Variants in NOP2 observed in about 807,000 individuals in gnomAD.
NOP2 encodes the protein 28S rRNA (cytosine(4447)-C(5))-methyltransferase.
A neutral mutation model predicts 72.7 loss-of-function variants in NOP2; 7 were observed. That is an observed-to-expected ratio of 0.10 (90% CI 0.05 to 0.18). The LOEUF (loss-of-function observed/expected upper bound fraction) is 0.18. Among genes scored for constraint, NOP2 ranks in the 10% least tolerant of loss-of-function variants. NOP2 has a pLI of 1.00. For synonymous variants in NOP2, 387 were observed against 388.0 expected, an observed-to-expected ratio of 1.00 and a Z score of 0.03; for missense variants, 954 against 1,014.7, an observed-to-expected ratio of 0.94 and a Z score of 0.81.
At chr12:6,563,857 C>T in intron 6 of NOP2, 34 bp downstream of exon 6, 1 of 1,613,686 alleles carries the variant, frequency 6.2e-7, no homozygotes, top group Non-Finnish European at 8.5e-7. Flanking sequence ...CCAGTGGCTT[C>T]CTATGCTCCA....
chr12:6,559,987 G>T, intron 15 of NOP2, 111 bp downstream of exon 15: 2 of 783,428 alleles, frequency 2.6e-6, no homozygotes, highest in Non-Finnish European at 2.1e-6. Context: ...GCAAAGGCTG[G>T]AGTAAGGGAT....
chr12:6,567,116 ATTG>A, intron 2 of NOP2, among the ~76,000 whole-genome samples: 2 of 151,956 alleles, frequency 1.3e-5, no homozygotes, highest in East Asian at 3.9e-4. Context: ...CACCCAGCTA[ATTG>A]TTGTATTTTT....
chr12:6,561,029 C>T lies in NOP2; in HGVS notation c.1249G>A (p.Ala417Thr), dbSNP rs756424704. 10 of 1,613,852 alleles carry T rather than the reference C, an allele frequency of 6.2e-6. No individual in the cohort carries two copies. The East Asian group carries it at 1.1e-4, about 18-fold the overall frequency. ...KNTGVILAND[A>T]NAERLKSVVG... ...ACACTCTTGAGCCGCTCAGCATTGG[C>T]GTCATTGGCAAGGATCACACCCGTG... Residue 417 changes from alanine to threonine, a missense_variant, in exon 12 of 16, where the codon GCC (alanine) becomes ACC (threonine). By Grantham distance (58) the Ala-to-Thr change is moderately conservative. Transcript: ENST00000322166.
intron 5 of NOP2, among the ~76,000 whole-genome samples, chr12:6,564,586 C>G (rs1190058243): frequency 6.6e-6 from 1 of 151,992 alleles, no homozygotes; most frequent in Non-Finnish European, 1.5e-5. Context: ...CACCACCATG[C>G]CCAGCTAATT....
chr12:6,558,380 C>T (rs529248605), intron 15 of NOP2, among the ~76,000 whole-genome samples: 7 of 151,176 alleles, frequency 4.6e-5, no homozygotes, highest in African/African-American at 1.7e-4. Flanking sequence ...TCAAGCAATT[C>T]TCCTGCCTCA....
chr12:6,562,054 T>C, intron 9 of NOP2, 83 bp from the exon 10 acceptor site: 1 of 1,049,806 alleles, frequency 9.5e-7, no homozygotes, highest in Non-Finnish European at 1.4e-6. Flanking sequence ...GGTGGCGCAA[T>C]CTCGGCTCAC....
chr12:6,560,045 T>G lies in NOP2; in HGVS notation c.1789+53A>C, dbSNP rs1450379482. 1 of 1,351,938 alleles carries G rather than the reference T, an allele frequency of 7.4e-7. No homozygotes were observed. The highest frequency in any genetic ancestry group is 1.1e-6 in the Non-Finnish European group (1 of 945,452). 83.7% of individuals were successfully genotyped at this position (1,351,938 alleles called of 1,614,324 possible). On this transcript the variant is annotated intron_variant, in intron 15 of 15. Transcript: ENST00000322166. This position sits in a 1 kb window ranked among gnomAD's most constrained non-coding sequence, Gnocchi z 5.0. ...CCTCTTGTCACACCATAAAGCCTCCTGAAAGGTGGAAAGAGCAAAGGTGGT... is the reference window on the plus strand; with the variant it reads ...CCTCTTGTCACACCATAAAGCCTCCGGAAAGGTGGAAAGAGCAAAGGTGGT...
rs1947623778 is a variant in NOP2, at chr12:6,560,725, G to A, written c.1410C>T (p.Ser470=). The A allele has an allele frequency of 1.2e-6, 2 of 1,613,476 alleles. No individual in the cohort carries two copies. Among genetic ancestry groups the A allele is most frequent in the Non-Finnish European group, 1.7e-6 (2 of 1,179,760 alleles). Residue 470 remains serine, a synonymous_variant, in exon 13 of 16, where the codon TCC becomes TCT. Coordinates refer to ENST00000322166, the MANE Select transcript of NOP2 (RefSeq NM_001258308.2). The surrounding 1 kb of genome is among the most constrained non-coding windows in gnomAD (Gnocchi z 5.0). ...DAPCSGTGVI[S]KDPAVKTNKD... ...TGTTAGTCTTCACGGCTGGATCCTTGGAGATGACCCCAGTGCCACTGCAGG... is the reference window on the plus strand; with the variant it reads ...TGTTAGTCTTCACGGCTGGATCCTTAGAGATGACCCCAGTGCCACTGCAGG...
intron 8 of NOP2, 43 bp downstream of exon 8, chr12:6,563,272 G>A: frequency 6.4e-7 from 1 of 1,556,176 alleles, no homozygotes; most frequent in Non-Finnish European, 8.7e-7. Flanking sequence ...GCGTAAGGAG[G>A]CGAGAAAAGA....
intron 15 of NOP2, among the ~76,000 whole-genome samples, chr12:6,558,444 T>G (rs553435859): frequency 1.3e-5 from 2 of 151,618 alleles, no homozygotes; most frequent in South Asian, 4.2e-4. Context: ...TTTTGTATTT[T>G]TAGTAGAGAT....
intron 8 of NOP2, 66 bp from the exon 9 acceptor site, chr12:6,563,236 AG>A: frequency 6.5e-7 from 1 of 1,548,558 alleles, no homozygotes; most frequent in Non-Finnish European, 8.7e-7. Context: ...GAGGGGAGCA[AG>A]GGGGCCGAAC....
chr12:6,561,518 C>T (rs1947649043), intron 11 of NOP2, 146 bp downstream of exon 11: 9 of 969,010 alleles, frequency 9.3e-6, no homozygotes, highest in South Asian at 1.6e-5. Flanking sequence ...GAACCCAGGC[C>T]GACTCCAGAA....
chr12:6,564,275 C>CCTAAA, intron 5 of NOP2: 1 of 72,082 alleles, frequency 1.4e-5, no homozygotes, highest in Non-Finnish European at 2.8e-5. Context: ...GACTTCATCT[C>CCTAAA]AAAAAAAAAA....
chr12:6,566,944 G>T, intron 2 of NOP2, 122 bp from the exon 3 acceptor site: 1 of 772,940 alleles, frequency 1.3e-6, no homozygotes, highest in Non-Finnish European at 2.1e-6. Context: ...TTAAATCTCA[G>T]CCCTGTTATT....
chr12:6,561,054 G>A lies in NOP2; in HGVS notation c.1224C>T (p.Asn408=), dbSNP rs1345747660. The A allele has an allele frequency of 6.2e-7, 1 of 1,613,996 alleles. No individual in the cohort carries two copies. Among genetic ancestry groups the A allele is most frequent in the East Asian group, 2.2e-5 (1 of 44,878 alleles). ...CGTCATTGGCAAGGATCACACCCGTGTTCTTCATCAGCTGGGCTAAAGAGA... is the reference window on the plus strand; with the variant it reads ...CGTCATTGGCAAGGATCACACCCGTATTCTTCATCAGCTGGGCTAAAGAGA... ...KTSYMAQLMK[N]TGVILANDAN... Residue 408 remains asparagine (N), a synonymous_variant, in exon 12 of 16, where the codon AAC becomes AAT. Coordinates refer to ENST00000322166, the MANE Select transcript of NOP2 (RefSeq NM_001258308.2).
Position 6,563,614 on chromosome 12 carries a change from C to A in NOP2, c.688G>T (p.Asp230Tyr). 6.2e-7 allele frequency: 1 copy of A among 1,610,760 alleles called. No individual in the cohort carries two copies. The highest frequency in any genetic ancestry group is 8.5e-7 in the Non-Finnish European group (1 of 1,178,166). Reference protein sequence around the residue: ...VLPPAGEMEQDAQAPDLQRVH... With the variant: ...VLPPAGEMEQYAQAPDLQRVH... ...TCTTCACTCTGCCCTGCAAGGATATCCTGCTCCATCTCCCCAGCAGGGGGC... is the reference window on the plus strand; with the variant it reads ...TCTTCACTCTGCCCTGCAAGGATATACTGCTCCATCTCCCCAGCAGGGGGC... Residue 230 changes from aspartate (D) to tyrosine (Y), a missense_variant and splice_region_variant, in exon 7 of 16, where the codon GAT becomes TAT. By Grantham distance (160) the Asp-to-Tyr change is radical. Transcript: ENST00000322166.
intron 5 of NOP2, 126 bp from the exon 6 acceptor site, chr12:6,564,072 G>A (rs192387013): frequency 2.7e-4 from 420 of 1,532,664 alleles, no homozygotes; most frequent in Non-Finnish European, 2.7e-4. Context: ...GGAAATAGAG[G>A]AGCAAAGAAA....
Position 6,557,251 on chromosome 12 carries a change from T to C in NOP2, c.2181A>G (p.Thr727=). 1 of 1,613,854 alleles carries C rather than the reference T, an allele frequency of 6.2e-7. No homozygotes were observed. The highest frequency in any genetic ancestry group is 8.5e-7 in the Non-Finnish European group (1 of 1,179,860). The change falls in exon 16 of 16, where the codon ACA becomes ACG. Residue 727 remains threonine (T), a synonymous_variant. Coordinates refer to ENST00000322166, the MANE Select transcript of NOP2 (RefSeq NM_001258308.2). ...TCTTGGATGGGGATAACACAGCCGG[T>C]GTTTGTGTGTCTGTGCCCTTGGGAG... ...NAPPKGTDTQ[T]PAVLSPSKTQ... is the part of the protein sequence containing the mutation.
At chr12:6,567,664 A>G (rs1947816898) in intron 2 of NOP2, 152 bp downstream of exon 2, 1 of 610,974 alleles carries the variant, frequency 1.6e-6, no homozygotes, top group East Asian at 2.9e-5. Flanking sequence ...GTTCCCTACA[A>G]TCTAAACGGC....
Sources: gnomAD v4.1 joint callset for allele counts (sites outside exome capture counted in the v4.1 genomes callset) on GRCh38, gnomAD v4.1.1 for gene constraint, Gnocchi (gnomAD v3.1) non-coding constraint, MANE v1.5 for transcripts, NCBI Gene and HGNC (gene_info 2026-07-23, HGNC 2026-07-21) for gene names.